FRMPD4: variants seen among roughly 807,000 people sequenced by gnomAD.
The protein encoded by FRMPD4 is FERM and PDZ domain-containing protein 4.
A neutral mutation model predicts 94.1 loss-of-function variants in FRMPD4; 22 were observed. The observed-to-expected ratio is 0.23, with a 90% CI of 0.17 to 0.33. The LOEUF is 0.33. Among genes scored for constraint, FRMPD4 ranks in the 10% least tolerant of loss-of-function variants. The pLI, the probability that FRMPD4 is intolerant of heterozygous loss-of-function variation, is 1.00. For missense variants in FRMPD4, 1,111 were observed against 1,339.9 expected (o/e 0.83, Z 2.67); for synonymous variants, 631 against 548.6 (o/e 1.15, Z -2.10).
chrX:12,097,334 G>C (rs966992403), intron 3 of FRMPD4, among the ~76,000 whole-genome samples: 24 of 111,879 alleles, frequency 2.1e-4, no homozygotes, highest in Admixed American at 1.2e-3. Flanking sequence ...TTTAAAGCCT[G>C]GTAGGTGAAC....
chrX:11,840,893 C>A (rs11095557), intron 1 of FRMPD4, among the ~76,000 whole-genome samples: 2 of 78,932 alleles, frequency 2.5e-5, no homozygotes, highest in Non-Finnish European at 4.8e-5. Flanking sequence ...ATCCCGCCCC[C>A]CTCCCCCCAC....
chrX:12,635,934 T>G (rs1487262337), intron 4 of FRMPD4, among the ~76,000 whole-genome samples: 1 of 111,854 alleles, frequency 8.9e-6, no homozygotes, highest in Non-Finnish European at 1.9e-5. Context: ...ATACTCCACA[T>G]GCCAAGGTAC....
At chrX:12,286,605 T>G (rs2054603696) in intron 1 of FRMPD4, among the ~76,000 whole-genome samples, 1 of 112,296 alleles carries the variant, frequency 8.9e-6, no homozygotes, top group Admixed American at 9.4e-5. Flanking sequence ...TCTGCTTTTT[T>G]TGTGCCTTAT....
At chrX:12,203,324 G>A (rs1446557962) in intron 1 of FRMPD4, among the ~76,000 whole-genome samples, 1 of 112,182 alleles carries the variant, frequency 8.9e-6, no homozygotes, top group Non-Finnish European at 1.9e-5. Context: ...CTCAGAAAGT[G>A]CAGCAAAGGC....
At chrX:12,377,951 CA>C (rs1462876367) in intron 1 of FRMPD4, among the ~76,000 whole-genome samples, 3 of 112,605 alleles carry the variant, frequency 2.7e-5, no homozygotes, top group Non-Finnish European at 5.6e-5. Context: ...GAGTCCTGTG[CA>C]AACAGAACAG....
In FRMPD4 at chrX:12,231,246, A is replaced by G. The variant is rs183689939; in HGVS notation, c.41+92234A>G. 7.9e-5 allele frequency among the ~76,000 whole-genome samples: 8 copies of G among 101,194 alleles called. No homozygotes were observed. In the East Asian group the frequency reaches 2.5e-3, roughly 31 times the overall value. 87.9% of individuals were successfully genotyped at this position (101,194 alleles called of 115,157 possible). A position where few individuals can be genotyped will look rare whatever the true frequency, so the allele number is the denominator to read the frequency against. On this transcript the variant is annotated intron_variant, in intron 1 of 16. Coordinates refer to ENST00000675598, the MANE Select transcript of FRMPD4 (RefSeq NM_001368397.1). ...TAAATATTTTGTATACAGAGAGTAT[A>G]GTGGGTAAATTCCGGCCCTGAAGTC...
At chrX:12,410,002 G>A (rs947777905) in intron 1 of FRMPD4, among the ~76,000 whole-genome samples, 2 of 111,538 alleles carry the variant, frequency 1.8e-5, no homozygotes, top group Non-Finnish European at 3.8e-5. Flanking sequence ...TGAATTTTAG[G>A]AAAACAGGGT....
At position 12,691,255 on chromosome X, in the gene FRMPD4, G is replaced by T. The variant is rs763563552; in HGVS notation, c.813+929G>T. Reference sequence around the variant, plus strand: ...TATTATTTCCATCAAGTTTTTTGGGGTTTTTTTTGTTGTTGTTGTTTTGTT... The same window carrying T: ...TATTATTTCCATCAAGTTTTTTGGGTTTTTTTTTGTTGTTGTTGTTTTGTT... On this transcript the variant is annotated intron_variant, in intron 8 of 16. Coordinates refer to ENST00000675598, the MANE Select transcript of FRMPD4 (RefSeq NM_001368397.1). 3.0e-3 allele frequency among the ~76,000 whole-genome samples: 335 copies of T among 110,092 alleles called. 1 individual carries two copies. The highest frequency in any genetic ancestry group is 9.3e-3 in the Middle Eastern group (2 of 216).
chrX:12,155,276 C>G (rs2055916115), intron 1 of FRMPD4, among the ~76,000 whole-genome samples: 2 of 111,967 alleles, frequency 1.8e-5, no homozygotes, highest in South Asian at 7.5e-4. Context: ...AGAAAAACAT[C>G]CATCTGAATA....
At chrX:12,176,781 A>G (rs751394668) in intron 1 of FRMPD4, among the ~76,000 whole-genome samples, 28 of 112,370 alleles carry the variant, frequency 2.5e-4, no homozygotes, top group African/African-American at 8.7e-4. Flanking sequence ...AAGATAATAT[A>G]AGGAAATGTG....
At chrX:12,189,692 G>A (rs1243857983) in intron 1 of FRMPD4, among the ~76,000 whole-genome samples, 13 of 111,427 alleles carry the variant, frequency 1.2e-4, no homozygotes, top group Non-Finnish European at 1.9e-5. Flanking sequence ...TGCATGAAAA[G>A]CATTTGGCAA....
chrX:12,095,991 C>A (rs553776093), intron 3 of FRMPD4, among the ~76,000 whole-genome samples: 3 of 112,069 alleles, frequency 2.7e-5, no homozygotes, highest in East Asian at 5.6e-4. Flanking sequence ...AAGATTCATA[C>A]CATGACTGAA....
At chrX:12,119,915 G>A (rs1357486625) in intron 3 of FRMPD4, among the ~76,000 whole-genome samples, 1 of 112,317 alleles carries the variant, frequency 8.9e-6, no homozygotes, top group Admixed American at 9.4e-5. Context: ...AGATGGCCTC[G>A]AGTTCTATGG....
chrX:12,107,135 T>C (rs1324152314), intron 3 of FRMPD4, among the ~76,000 whole-genome samples: 1 of 112,026 alleles, frequency 8.9e-6, no homozygotes, highest in East Asian at 2.8e-4. Context: ...GTAGCCTAAC[T>C]GTGAGGCACC....
At chrX:12,387,445 A>G (rs1179333280) in intron 1 of FRMPD4, among the ~76,000 whole-genome samples, 1 of 112,058 alleles carries the variant, frequency 8.9e-6, no homozygotes, top group Admixed American at 9.5e-5. Flanking sequence ...AGTCTTATTG[A>G]TTATAGAGTG....
chrX:12,207,702 A>C (rs773717081), intron 1 of FRMPD4, among the ~76,000 whole-genome samples: 7 of 108,516 alleles, frequency 6.5e-5, no homozygotes, highest in Non-Finnish European at 1.3e-4. Flanking sequence ...TAAGTGAAGA[A>C]GTCAGAGGTT....
chrX:12,341,905 G>A (rs1023770086), intron 1 of FRMPD4, among the ~76,000 whole-genome samples: 2 of 112,081 alleles, frequency 1.8e-5, no homozygotes, highest in Middle Eastern at 4.6e-3. Flanking sequence ...AGCTCTTATA[G>A]AATTGCTTTC....
Position 12,012,793 on chromosome X carries a change from G to A in FRMPD4, c.95+134775G>A, listed in dbSNP as rs1476018582. Among the ~76,000 whole-genome samples the A allele has an allele frequency of 8.0e-5, 9 of 112,173 alleles. No individual in the cohort carries two copies. The East Asian group carries it at 2.2e-3, about 28-fold the overall frequency. ...TTGTCAAGAAAAAATGTAGTTTATT[G>A]ATTTATATAGTAGCCTTCGATGGGG... is the stretch of plus-strand genomic sequence containing the variant. On this transcript the variant is annotated intron_variant, in intron 3 of 18. Transcript: ENST00000640291.
chrX:12,392,321 G>A (rs1260506044), intron 1 of FRMPD4, among the ~76,000 whole-genome samples: 5 of 104,578 alleles, frequency 4.8e-5, no homozygotes, highest in East Asian at 6.6e-4. Flanking sequence ...GATTACTGGC[G>A]TGAGCCACCG....
Sources: gnomAD v4.1 joint callset for allele counts (sites outside exome capture counted in the v4.1 genomes callset) on GRCh38, gnomAD v4.1.1 for gene constraint, MANE v1.5 for transcripts, NCBI Gene and HGNC (gene_info 2026-07-23, HGNC 2026-07-21) for gene names.